The following ANKRD11 variants were observed in gnomAD, a reference collection of about 807,000 sequenced individuals.
ANKRD11 encodes ankyrin repeat domain-containing protein 11.
ANKRD11 carries 17 observed loss-of-function variants against 195.7 expected under a neutral mutation model. The observed-to-expected ratio is 0.09, with a 90% confidence interval of 0.06 to 0.13. The LOEUF is 0.13. Among genes scored for constraint, ANKRD11 ranks in the 10% least tolerant of loss-of-function variants. The probability of loss-of-function intolerance (pLI) is 1.00; values close to 1 mark genes in which losing one functional copy is unlikely to be tolerated. For synonymous variants in ANKRD11, 1,953 were observed against 1,528.1 expected, an observed-to-expected ratio of 1.28 and a Z score of -6.49; for missense variants, 3,735 against 3,566.1, an observed-to-expected ratio of 1.05 and a Z score of -1.21.
At chr16:89,318,533 G>A (rs1319572953) in intron 2 of ANKRD11, among the ~76,000 whole-genome samples, 1 of 150,936 alleles carries the variant, frequency 6.6e-6, no homozygotes, top group Non-Finnish European at 1.5e-5. Context: ...CATGCACGAA[G>A]TATGGCTTTT....
chr16:89,464,563 G>C (rs1285262740), intron 1 of ANKRD11, among the ~76,000 whole-genome samples: 1 of 141,754 alleles, frequency 7.1e-6, no homozygotes. Flanking sequence ...AGCCAAGATC[G>C]CAACACTGCA....
At chr16:89,273,590 G>A (rs1443131333) in intron 11 of ANKRD11, among the ~76,000 whole-genome samples, 2 of 151,978 alleles carry the variant, frequency 1.3e-5, no homozygotes, top group Admixed American at 6.5e-5. Context: ...CCAGCTACTC[G>A]GGAGGCTGAG....
chr16:89,351,741 C>T lies in ANKRD11; in HGVS notation c.-59-34663G>A, dbSNP rs550296485. ...AGACTCAGAGAGGACGCAGAGGCTGCAGGGGGAACAAGGAGTGACGATTAA... is the reference window on the plus strand; with the variant it reads ...AGACTCAGAGAGGACGCAGAGGCTGTAGGGGGAACAAGGAGTGACGATTAA... On this transcript the variant is annotated intron_variant, in intron 2 of 12. Coordinates refer to ENST00000301030, the MANE Select transcript of ANKRD11 (RefSeq NM_013275.6). 7.2e-5 allele frequency among the ~76,000 whole-genome samples: 11 copies of T among 152,304 alleles called. No homozygotes were observed. In the East Asian group the frequency reaches 2.1e-3, roughly 29 times the overall value.
At chr16:89,456,041 C>T (rs1011129040) in intron 1 of ANKRD11, among the ~76,000 whole-genome samples, 1 of 152,010 alleles carries the variant, frequency 6.6e-6, no homozygotes, top group South Asian at 2.1e-4. Context: ...GAGTTTGAGA[C>T]CAGCCTGGCC....
intron 2 of ANKRD11, among the ~76,000 whole-genome samples, chr16:89,390,237 G>A (rs1371186302): frequency 1.9e-4 from 25 of 130,908 alleles, no homozygotes; most frequent in Non-Finnish European, 4.0e-4. Flanking sequence ...CACCGAGAGA[G>A]AAGATCACTG....
intron 2 of ANKRD11, among the ~76,000 whole-genome samples, chr16:89,317,458 A>G (rs376911155): frequency 4.5e-4 from 68 of 152,334 alleles, no homozygotes; most frequent in African/African-American, 1.3e-3. Flanking sequence ...TCCCCGCATT[A>G]CAGGCAAGGT....
chr16:89,353,474 C>G (rs1045655180), intron 2 of ANKRD11, among the ~76,000 whole-genome samples: 8 of 152,038 alleles, frequency 5.3e-5, no homozygotes, highest in Admixed American at 2.0e-4. Context: ...CTACAAGGAA[C>G]TGGTCACTTT....
chr16:89,293,617 C>G (rs1450664165), intron 4 of ANKRD11, among the ~76,000 whole-genome samples: 1 of 76,980 alleles, frequency 1.3e-5, no homozygotes, highest in Non-Finnish European at 2.5e-5. Context: ...GAGGGAGGAG[C>G]TGGGGCGGTG....
intron 1 of ANKRD11, among the ~76,000 whole-genome samples, chr16:89,471,211 T>C (rs2057073396): frequency 6.6e-6 from 1 of 151,836 alleles, no homozygotes; most frequent in African/African-American, 2.4e-5. Context: ...AAAAAATAAA[T>C]AAATAAAACT....
chr16:89,429,014 A>G (rs2042851729), intron 1 of ANKRD11, among the ~76,000 whole-genome samples: 2 of 152,246 alleles, frequency 1.3e-5, no homozygotes, highest in African/African-American at 4.8e-5. Context: ...CAATGAACAG[A>G]ATGTAAATGG....
Position 89,364,941 on chromosome 16 carries a change from C to T in ANKRD11, c.-59-47863G>A, listed in dbSNP as rs1049710578. Among the ~76,000 whole-genome samples, 7 of 152,208 alleles carry T rather than the reference C, an allele frequency of 4.6e-5. No homozygotes were observed. The East Asian group carries it at 1.2e-3, about 25-fold the overall frequency. On this transcript the variant is annotated intron_variant, in intron 2 of 12. Coordinates refer to ENST00000301030, the MANE Select transcript of ANKRD11 (RefSeq NM_013275.6). ...CCTGTGAGATCATTTCTTACAAAGC[C>T]AAATGAACAACACTATGTTAATTTT...
At position 89,279,082 on chromosome 16, in the gene ANKRD11, T is replaced by C; in HGVS notation, c.7460A>G (p.His2487Arg). ...GGGCCCCGCACTCACCACGGGGATG[T>C]GGAGCTTGCTGAGCGGCTTGCCGTC... ...LLDGKPLSKL[H>R]IPVIAPPPSL... The change falls in exon 9 of 13, where the codon CAC becomes CGC. Residue 2487 changes from histidine to arginine, a missense_variant. By Grantham distance (29) the His-to-Arg change is conservative. Transcript: ENST00000301030. This position sits in a 1 kb window ranked among gnomAD's most constrained non-coding sequence, Gnocchi z 5.6. 6.2e-7 allele frequency: 1 copy of C among 1,613,944 alleles called. No individual in the cohort carries two copies. Among genetic ancestry groups the C allele is most frequent in the Non-Finnish European group, 8.5e-7 (1 of 1,179,904 alleles).
In ANKRD11 at chr16:89,441,767, CAAAAAAAA is replaced by C. The variant is rs57747159; in HGVS notation, c.-144-23407_-144-23400del. On this transcript the variant is annotated intron_variant, in intron 1 of 12. Transcript: ENST00000301030. ...GGGCAACAGAGCGAGACTCCGCCTA[CAAAAAAAA>C]AAAAAAAAAAAAAAAAAACGCAAAC... 9.1e-3 allele frequency among the ~76,000 whole-genome samples: 476 copies of C among 52,350 alleles called. 4 individuals carry two copies. The highest frequency in any genetic ancestry group is 0.046 in the African/African-American group (409 of 8,876). 34.3% of individuals were successfully genotyped at this position (52,350 alleles called of 152,430 possible). A position where few individuals can be genotyped will look rare whatever the true frequency, so the allele number is the denominator to read the frequency against.
intron 9 of ANKRD11, chr16:89,278,601 C>T (rs887500886): frequency 1.5e-5 from 7 of 458,044 alleles, no homozygotes; most frequent in African/African-American, 1.4e-4. Context: ...CTCTGCTGTC[C>T]CAGAAGCCCA....
chr16:89,428,607 T>C (rs868430685), intron 1 of ANKRD11, among the ~76,000 whole-genome samples: 1 of 150,516 alleles, frequency 6.6e-6, no homozygotes, highest in Admixed American at 6.6e-5. Context: ...AATACACCAC[T>C]GTCATAGGCC....
At chr16:89,275,277 C>G (rs2033554883) in intron 9 of ANKRD11, 86 bp from the exon 10 acceptor site, 1 of 1,175,118 alleles carries the variant, frequency 8.5e-7, no homozygotes, top group Non-Finnish European at 1.2e-6. Flanking sequence ...GGGGTCCCGA[C>G]TCAGCCTCCC....
At chr16:89,394,982 C>T (rs1451966599) in intron 2 of ANKRD11, among the ~76,000 whole-genome samples, 1 of 152,200 alleles carries the variant, frequency 6.6e-6, no homozygotes, top group Non-Finnish European at 1.5e-5. Context: ...TTAAAAAGAT[C>T]TCCAAACCAG....
rs564872239 is a variant in ANKRD11 at position 89,334,536 on chromosome 16, C to T, written c.-59-17458G>A. Among the ~76,000 whole-genome samples, 39 of 152,270 alleles carry T rather than the reference C, an allele frequency of 2.6e-4. No homozygotes were observed. In the South Asian group the frequency reaches 7.5e-3, roughly 29 times the overall value. Reference sequence around the variant, plus strand: ...GGCAAAGTGACGAGAAAACACCCCACCCATGTGGGCAGTGGGCATGCGGCA... The same window carrying T: ...GGCAAAGTGACGAGAAAACACCCCATCCATGTGGGCAGTGGGCATGCGGCA... On this transcript the variant is annotated intron_variant, in intron 2 of 12. Transcript: ENST00000301030.
rs185713579 is a variant in ANKRD11 at position 89,317,240 on chromosome 16, G to A, written c.-59-162C>T. 9.2e-5 allele frequency among the ~76,000 whole-genome samples: 14 copies of A among 152,336 alleles called. No individual in the cohort carries two copies. In the East Asian group the frequency reaches 1.9e-3, roughly 21 times the overall value. On this transcript the variant is annotated intron_variant, in intron 2 of 12. Transcript: ENST00000301030. ...CCCAGGAAGGGACTTCTCAGGATAC[G>A]CCTCCCATAAAGGGGTCACCAGCAA...
Sources: allele counts gnomAD v4.1 joint callset (sites outside exome capture counted in the v4.1 genomes callset), GRCh38; gene constraint gnomAD v4.1.1; non-coding constraint Gnocchi (gnomAD v3.1); transcripts MANE v1.5; gene names NCBI Gene and HGNC (gene_info 2026-07-23, HGNC 2026-07-21).